The following CAMKMT variants were observed in gnomAD, a reference collection of about 807,000 sequenced individuals.
CAMKMT encodes the protein calmodulin-lysine N-methyltransferase.
In CAMKMT, 53 loss-of-function variants were observed where a neutral mutation model predicts 48.0. That is an observed-to-expected ratio of 1.10 (90% confidence interval 0.89 to 1.39). The LOEUF is 1.39. CAMKMT is among the 40% of genes most tolerant of loss of function. The pLI is 0.00. For missense variants in CAMKMT, 428 were observed against 402.7 expected (o/e 1.06, Z -0.54); for synonymous variants, 165 against 152.3 (o/e 1.08, Z -0.61).
intron 3 of CAMKMT, among the ~76,000 whole-genome samples, chr2:44,647,143 G>T (rs773630490): frequency 1.3e-5 from 2 of 152,024 alleles, no homozygotes; most frequent in African/African-American, 2.4e-5. Flanking sequence ...AGTTCCTCTA[G>T]CTACATAGCT....
intron 3 of CAMKMT, among the ~76,000 whole-genome samples, chr2:44,630,532 ACT>A: frequency 6.6e-6 from 1 of 151,012 alleles, no homozygotes; most frequent in South Asian, 2.1e-4. Flanking sequence ...TCTACAATGA[ACT>A]CAAACAAATT....
chr2:44,597,244 T>C (rs1670718232), intron 3 of CAMKMT, among the ~76,000 whole-genome samples: 1 of 152,222 alleles, frequency 6.6e-6, no homozygotes, highest in Admixed American at 6.5e-5. Flanking sequence ...CATAGACTAG[T>C]TAACTCTCTA....
chr2:44,666,724 C>G (rs1167046233), intron 3 of CAMKMT, among the ~76,000 whole-genome samples: 8 of 151,854 alleles, frequency 5.3e-5, no homozygotes, highest in Non-Finnish European at 1.0e-4. Flanking sequence ...GATTCTCCTG[C>G]CTCAGCCTCC....
intron 2 of CAMKMT, among the ~76,000 whole-genome samples, chr2:44,385,765 G>C (rs956596209): frequency 1.3e-5 from 2 of 152,024 alleles, no homozygotes; most frequent in African/African-American, 4.8e-5. Flanking sequence ...TGTTTATGTG[G>C]TGTATCACAT....
rs751406942 is a variant in CAMKMT, at chr2:44,754,119, G to T, written c.762+1G>T. The T allele has an allele frequency of 3.7e-6, 6 of 1,612,292 alleles. No individual in the cohort carries two copies. Among genetic ancestry groups the T allele is most frequent in the South Asian group, 1.1e-5 (1 of 91,024 alleles). ...AATAAAGAGATTACTCCAGCCCAGG[G>T]TAAGTATGTTTCTATTTTCTCCTGA... On this transcript the variant is annotated splice_donor_variant, in intron 9 of 10. Coordinates refer to ENST00000378494, the MANE Select transcript of CAMKMT (RefSeq NM_024766.5). LOFTEE classifies it high-confidence loss of function.
chr2:44,578,930 G>A (rs990589701), intron 3 of CAMKMT, among the ~76,000 whole-genome samples: 2 of 152,214 alleles, frequency 1.3e-5, no homozygotes, highest in African/African-American at 4.8e-5. Flanking sequence ...AAGTGAAAAA[G>A]TTGATTCATT....
chr2:44,373,905 C>T (rs779228702), intron 2 of CAMKMT, among the ~76,000 whole-genome samples: 6 of 151,934 alleles, frequency 3.9e-5, no homozygotes, highest in Non-Finnish European at 7.4e-5. Context: ...GGGTGGATCA[C>T]TTGACCCTAG....
chr2:44,509,595 A>T (rs1305091132), intron 3 of CAMKMT, among the ~76,000 whole-genome samples: 1 of 152,070 alleles, frequency 6.6e-6, no homozygotes, highest in Non-Finnish European at 1.5e-5. Context: ...AAATAAGTAT[A>T]ATTCCTGCTG....
In CAMKMT at chr2:44,618,392, C is replaced by A. The variant is rs1408308051; in HGVS notation, c.377-85891C>A. Among the ~76,000 whole-genome samples, 2 of 152,182 alleles carry A rather than the reference C, an allele frequency of 1.3e-5. No homozygotes were observed. The highest frequency in any genetic ancestry group is 4.8e-5 in the African/African-American group (2 of 41,444). On this transcript the variant is annotated intron_variant, in intron 3 of 10. Coordinates refer to ENST00000378494, the MANE Select transcript of CAMKMT (RefSeq NM_024766.5). This position sits in a 1 kb window ranked among gnomAD's most constrained non-coding sequence, Gnocchi z 4.0. The stretch of plus-strand genomic sequence containing the variant: ...GGAGATTAACTGAACAGCCTTCCTA[C>A]CAATTCCCAAGCCTGTCAGCAGAAC...
chr2:44,763,527 A>G (rs1470000391), intron 9 of CAMKMT, among the ~76,000 whole-genome samples: 3 of 152,204 alleles, frequency 2.0e-5, no homozygotes, highest in Non-Finnish European at 1.5e-5. Context: ...ACATTAGAAG[A>G]TCCTGTTGTC....
intron 3 of CAMKMT, among the ~76,000 whole-genome samples, chr2:44,508,513 A>G (rs1051560371): frequency 3.3e-5 from 5 of 152,128 alleles, no homozygotes; most frequent in African/African-American, 7.2e-5. Flanking sequence ...CTCACACTCA[A>G]AGGTTGTGAA....
chr2:44,441,206 C>G (rs1349737654), intron 3 of CAMKMT, among the ~76,000 whole-genome samples: 1 of 152,084 alleles, frequency 6.6e-6, no homozygotes. Flanking sequence ...GTTTGAGGTA[C>G]TTGAAGTTCG....
chr2:44,638,707 C>G (rs1673283684), intron 3 of CAMKMT, among the ~76,000 whole-genome samples: 1 of 152,128 alleles, frequency 6.6e-6, no homozygotes, highest in Non-Finnish European at 1.5e-5. Context: ...CTGTGTAGGT[C>G]CTCCCATGAG....
chr2:44,543,072 A>G (rs1193653824), intron 3 of CAMKMT, among the ~76,000 whole-genome samples: 4 of 152,216 alleles, frequency 2.6e-5, no homozygotes, highest in African/African-American at 4.8e-5. Context: ...CTAGGGGAAT[A>G]AAGTAGGAAT....
At chr2:44,512,031 G>A (rs114138572) in intron 3 of CAMKMT, among the ~76,000 whole-genome samples, 3 of 152,166 alleles carry the variant, frequency 2.0e-5, no homozygotes, top group Non-Finnish European at 2.9e-5. Flanking sequence ...CTGCTTGTGG[G>A]TGGAGGAAGG....
intron 3 of CAMKMT, among the ~76,000 whole-genome samples, chr2:44,534,491 A>G (rs916984993): frequency 6.6e-6 from 1 of 152,196 alleles, no homozygotes; most frequent in Admixed American, 6.5e-5. Flanking sequence ...TAGGCCAGAA[A>G]ACAAATCTCA....
chr2:44,666,523 C>T (rs1376509803), intron 3 of CAMKMT, among the ~76,000 whole-genome samples: 1 of 151,966 alleles, frequency 6.6e-6, no homozygotes, highest in African/African-American at 2.4e-5. Flanking sequence ...GATCTAAGTT[C>T]AGGAAGGAGA....
At chr2:44,442,880 G>T (rs1033557789) in intron 3 of CAMKMT, among the ~76,000 whole-genome samples, 1 of 152,098 alleles carries the variant, frequency 6.6e-6, no homozygotes, top group African/African-American at 2.4e-5. Flanking sequence ...TTCTTAATAG[G>T]TGCTCAATAA....
At chr2:44,550,036 A>G (rs1667622889) in intron 3 of CAMKMT, among the ~76,000 whole-genome samples, 1 of 152,214 alleles carries the variant, frequency 6.6e-6, no homozygotes, top group African/African-American at 2.4e-5. Flanking sequence ...ATGTGTGTGT[A>G]GTCATATTCA....
Sources: allele counts gnomAD v4.1 joint callset (sites outside exome capture counted in the v4.1 genomes callset), GRCh38; gene constraint gnomAD v4.1.1; non-coding constraint Gnocchi (gnomAD v3.1); transcripts MANE v1.5; gene names NCBI Gene and HGNC (gene_info 2026-07-23, HGNC 2026-07-21).